The following TPD52 variants were observed in gnomAD, a reference collection of about 807,000 sequenced individuals.
TPD52 encodes the protein prostate and colon associated protein.
A neutral mutation model predicts 31.3 loss-of-function variants in TPD52; 17 were observed. The ratio of observed to expected loss-of-function variants is 0.54; its 90% confidence interval spans 0.37 to 0.82. TPD52 has a LOEUF of 0.82. TPD52 is among the 40% of genes least tolerant of loss of function. The probability of loss-of-function intolerance (pLI) is 0.00; values close to 1 mark genes in which losing one functional copy is unlikely to be tolerated. For synonymous variants in TPD52, 83 were observed against 89.6 expected (o/e 0.93, Z 0.42); for missense variants, 212 against 240.1 (o/e 0.88, Z 0.77).
intron 4 of TPD52, 151 bp downstream of exon 4, chr8:80,051,376 C>A: frequency 1.5e-6 from 1 of 648,434 alleles, no homozygotes; most frequent in Non-Finnish European, 2.7e-6. Flanking sequence ...CTTAGATGAG[C>A]CTTCCAGGTA....
chr8:80,099,845 A>G (rs750885111), intron 1 of TPD52, among the ~76,000 whole-genome samples: 2 of 152,212 alleles, frequency 1.3e-5, no homozygotes, highest in Non-Finnish European at 2.9e-5. Flanking sequence ...ACAGAAACAG[A>G]TATCTATTGA....
intron 1 of TPD52, among the ~76,000 whole-genome samples, chr8:80,088,947 G>A (rs1452636895): frequency 3.3e-5 from 5 of 152,066 alleles, no homozygotes; most frequent in Admixed American, 6.6e-5. Context: ...CGCCCGCCTC[G>A]GCCTCCCAAA....
At chr8:80,086,574 A>G (rs960568624) in intron 1 of TPD52, among the ~76,000 whole-genome samples, 11 of 152,072 alleles carry the variant, frequency 7.2e-5, no homozygotes, top group African/African-American at 1.4e-4. Flanking sequence ...AAAGTCTTGT[A>G]TCAATTTCAA....
intron 1 of TPD52, among the ~76,000 whole-genome samples, chr8:80,169,666 C>T (rs1018576929): frequency 1.3e-5 from 2 of 152,082 alleles, no homozygotes; most frequent in South Asian, 2.1e-4. Context: ...TTATGTCAAA[C>T]GACAGTGTGT....
intron 1 of TPD52, among the ~76,000 whole-genome samples, chr8:80,097,685 A>G (rs1410256621): frequency 1.3e-5 from 2 of 152,184 alleles, no homozygotes; most frequent in African/African-American, 2.4e-5. Flanking sequence ...TGAAACTGTG[A>G]GCCAATTAAA....
chr8:80,169,754 C>T (rs945458445), intron 1 of TPD52, among the ~76,000 whole-genome samples: 2 of 152,190 alleles, frequency 1.3e-5, no homozygotes, highest in African/African-American at 4.8e-5. Context: ...CATTGAAAGC[C>T]AGACAGACAT....
intron 1 of TPD52, among the ~76,000 whole-genome samples, chr8:80,085,827 G>C (rs182620833): frequency 6.6e-6 from 1 of 152,306 alleles, no homozygotes. Flanking sequence ...CCTCTCCACA[G>C]ATTAACTAGC....
At chr8:80,041,047 T>C (rs1335023791) in intron 7 of TPD52, among the ~76,000 whole-genome samples, 1 of 152,098 alleles carries the variant, frequency 6.6e-6, no homozygotes, top group African/African-American at 2.4e-5. Flanking sequence ...GAAAAAACAT[T>C]CATATGTCTG....
At chr8:80,092,230 A>G (rs1466849072) in intron 1 of TPD52, among the ~76,000 whole-genome samples, 2 of 152,152 alleles carry the variant, frequency 1.3e-5, no homozygotes, top group African/African-American at 4.8e-5. Flanking sequence ...AACTATGGTC[A>G]TCCTACACTG....
intron 1 of TPD52, chr8:80,158,921 G>A (rs1811159211): frequency 8.0e-6 from 1 of 125,114 alleles, no homozygotes; most frequent in Admixed American, 9.1e-5. Context: ...TCCAGCCTGG[G>A]CGACAGAGCG....
chr8:80,112,890 A>G (rs1355125755), intron 1 of TPD52, among the ~76,000 whole-genome samples: 2 of 152,222 alleles, frequency 1.3e-5, no homozygotes, highest in African/African-American at 4.8e-5. Context: ...AAATATCTGC[A>G]TATACCTAAT....
chr8:80,163,979 G>A (rs949344796), intron 1 of TPD52, among the ~76,000 whole-genome samples: 2 of 146,394 alleles, frequency 1.4e-5, no homozygotes, highest in African/African-American at 5.1e-5. Flanking sequence ...ATATATTGGG[G>A]TATTGAATAA....
chr8:80,083,936 T>C (rs1342506627), intron 1 of TPD52, among the ~76,000 whole-genome samples: 2 of 152,030 alleles, frequency 1.3e-5, no homozygotes, highest in Non-Finnish European at 2.9e-5. Flanking sequence ...GCATCCTGAG[T>C]CTCCTAGACC....
chr8:80,157,288 A>G (rs1586415465), intron 1 of TPD52, among the ~76,000 whole-genome samples: 1 of 152,138 alleles, frequency 6.6e-6, no homozygotes, highest in Non-Finnish European at 1.5e-5. Context: ...AAAAAAGGAA[A>G]TAAGTTTGGG....
At chr8:80,061,298 A>G (rs1812502760) in intron 2 of TPD52, among the ~76,000 whole-genome samples, 1 of 150,954 alleles carries the variant, frequency 6.6e-6, no homozygotes, top group South Asian at 2.1e-4. Context: ...TGGGAGGTGG[A>G]GGTTGCAGTG....
chr8:80,070,434 C>T (rs532311102), intron 1 of TPD52, among the ~76,000 whole-genome samples: 5 of 152,256 alleles, frequency 3.3e-5, no homozygotes, highest in South Asian at 2.1e-4. Flanking sequence ...AATTTTTCCA[C>T]GGCGGTTGGG....
chr8:80,033,234 G>A (rs1809736084), downstream of TPD52: 1 of 151,780 alleles, frequency 6.6e-6, no homozygotes, highest in Non-Finnish European at 1.5e-5. Context: ...CCTGGCTTGG[G>A]GAACCCCAAG....
chr8:80,164,271 T>C (rs778063811), intron 1 of TPD52, among the ~76,000 whole-genome samples: 2 of 152,110 alleles, frequency 1.3e-5, no homozygotes, highest in African/African-American at 4.8e-5. Flanking sequence ...GAAGCTACAA[T>C]AACTTAAACT....
intron 1 of TPD52, among the ~76,000 whole-genome samples, chr8:80,094,354 G>A (rs1278166443): frequency 6.9e-6 from 1 of 145,900 alleles, no homozygotes; most frequent in Non-Finnish European, 1.5e-5. Flanking sequence ...TCTTACGCAG[G>A]TAGCTAGACT....
Sources: allele counts gnomAD v4.1 joint callset (sites outside exome capture counted in the v4.1 genomes callset), GRCh38; gene constraint gnomAD v4.1.1; transcripts MANE v1.5; gene names NCBI Gene and HGNC (gene_info 2026-07-23, HGNC 2026-07-21).